SGCD: variants seen among roughly 807,000 people sequenced by gnomAD.
The protein encoded by SGCD is sarcoglycan delta, also known as delta-sarcoglycan.
In SGCD, 18 loss-of-function variants were observed where a neutral mutation model predicts 36.6. The observed-to-expected ratio is 0.49, with a 90% CI of 0.34 to 0.73. The LOEUF (loss-of-function observed/expected upper bound fraction) is 0.73, where lower values mean the gene tolerates loss of function less well. Ranked by LOEUF, SGCD falls within the 30% of genes least tolerant of loss-of-function variation. SGCD has a pLI of 0.01. For synonymous variants in SGCD, 133 were observed against 130.6 expected, an observed-to-expected ratio of 1.02 and a Z score of -0.12; for missense variants, 387 against 346.7, an observed-to-expected ratio of 1.12 and a Z score of -0.92.
chr5:156,463,965 C>G (rs1581031181), intron 3 of SGCD, among the ~76,000 whole-genome samples: 1 of 152,082 alleles, frequency 6.6e-6, no homozygotes, highest in South Asian at 2.1e-4. Flanking sequence ...TAAAACAAAA[C>G]AGAACAAAAC....
rs78905105 is a variant in SGCD at position 156,515,721 on chromosome 5, G to C, written c.294+7019G>C. Reference sequence around the variant, plus strand: ...AAGAACAGAGCTGTGCAGACTCTCAGCAGCTGCTCGAGTCGTGGCCAGCAG... The same window carrying C: ...AAGAACAGAGCTGTGCAGACTCTCACCAGCTGCTCGAGTCGTGGCCAGCAG... On this transcript the variant is annotated intron_variant, in intron 4 of 8. Transcript: ENST00000337851. Among the ~76,000 whole-genome samples the C allele has an allele frequency of 0.012, 1,895 of 152,350 alleles. 94 individuals carry two copies. In the East Asian group the frequency reaches 0.17, roughly 14 times the overall value.
intron 1 of SGCD, among the ~76,000 whole-genome samples, chr5:155,919,895 T>G (rs1484840020): frequency 6.6e-6 from 1 of 152,126 alleles, no homozygotes; most frequent in Non-Finnish European, 1.5e-5. Flanking sequence ...TGAAGGAAAT[T>G]TCCACTTTGC....
At chr5:156,372,179 A>G (rs1433322284) in intron 3 of SGCD, among the ~76,000 whole-genome samples, 1 of 152,258 alleles carries the variant, frequency 6.6e-6, no homozygotes, top group African/African-American at 2.4e-5. Context: ...GTGTGAAATT[A>G]TAATGGAAAA....
intron 3 of SGCD, among the ~76,000 whole-genome samples, chr5:156,172,868 A>T (rs1340346816): frequency 6.6e-6 from 1 of 151,628 alleles, no homozygotes; most frequent in Non-Finnish European, 1.5e-5. Context: ...TTTTAACTTG[A>T]TACATATTAT....
chr5:156,715,424 G>A (rs1755174625), intron 7 of SGCD, among the ~76,000 whole-genome samples: 1 of 152,018 alleles, frequency 6.6e-6, no homozygotes, highest in Non-Finnish European at 1.5e-5. Context: ...GCACAATTAG[G>A]GCTTGCAAAT....
intron 4 of SGCD, 31 bp downstream of exon 4, chr5:156,508,733 T>C (rs1756812485): frequency 7.8e-7 from 1 of 1,279,810 alleles, no homozygotes; most frequent in African/African-American, 1.5e-5. Flanking sequence ...GGAGGCATTA[T>C]TGTTGCTCTA....
intron 1 of SGCD, among the ~76,000 whole-genome samples, chr5:156,033,310 T>A (rs1759400471): frequency 6.6e-6 from 1 of 152,044 alleles, no homozygotes. Flanking sequence ...AATAGTAAGG[T>A]TTGTGCTTCT....
At chr5:156,643,120 C>G (rs867819741) in intron 6 of SGCD, among the ~76,000 whole-genome samples, 13 of 150,214 alleles carry the variant, frequency 8.7e-5, no homozygotes, top group African/African-American at 2.4e-4. Flanking sequence ...GCAACCTCCA[C>G]CTCCCGAGTT....
At chr5:156,450,352 A>C (rs1189674297) in intron 3 of SGCD, among the ~76,000 whole-genome samples, 1 of 152,108 alleles carries the variant, frequency 6.6e-6, no homozygotes, top group Non-Finnish European at 1.5e-5. Flanking sequence ...CCCAGCTCAC[A>C]TAGGTCCTAT....
At chr5:156,201,983 C>A (rs1764161981) in intron 3 of SGCD, among the ~76,000 whole-genome samples, 1 of 152,132 alleles carries the variant, frequency 6.6e-6, no homozygotes, top group African/African-American at 2.4e-5. Flanking sequence ...TCCAAAACAG[C>A]TTTCTGGTCT....
intron 1 of SGCD, among the ~76,000 whole-genome samples, chr5:156,115,881 T>C (rs76412476): frequency 0.03 from 4,538 of 152,200 alleles, 227 homozygotes; most frequent in African/African-American, 0.1. Flanking sequence ...GATTTAAGGA[T>C]AACAACTTGA....
the SGCD span, among the ~76,000 whole-genome samples, chr5:155,800,824 T>A: frequency 1.3e-5 from 2 of 152,212 alleles, no homozygotes; most frequent in East Asian, 3.8e-4. Flanking sequence ...GTCCTGTTAG[T>A]CTGTGTTTTC....
the SGCD span, among the ~76,000 whole-genome samples, chr5:155,776,896 G>C: frequency 6.6e-6 from 1 of 152,036 alleles, no homozygotes; most frequent in African/African-American, 2.4e-5. Context: ...TAAAAGCCAA[G>C]AGCTTATGGG....
At chr5:156,263,545 G>T (rs558791409) in intron 3 of SGCD, among the ~76,000 whole-genome samples, 2 of 152,246 alleles carry the variant, frequency 1.3e-5, no homozygotes, top group African/African-American at 4.8e-5. Flanking sequence ...TCTGTGGGTT[G>T]TCTCTTTATT....
intron 3 of SGCD, among the ~76,000 whole-genome samples, chr5:156,281,924 G>A (rs1294180068): frequency 6.6e-6 from 1 of 152,028 alleles, no homozygotes; most frequent in African/African-American, 2.4e-5. Flanking sequence ...AGTGATTTCA[G>A]TGGATAAAAC....
Position 156,459,448 on chromosome 5 carries a change from C to T in SGCD, c.193-49153C>T, listed in dbSNP as rs541685192. Among the ~76,000 whole-genome samples, 16 of 152,250 alleles carry T rather than the reference C, an allele frequency of 1.1e-4. No homozygotes were observed. In the South Asian group the frequency reaches 2.3e-3, roughly 22 times the overall value. ...CTTAATTTAAGAAAATGAGAGTCAA[C>T]GGTTTGGCAACTATTTCCCATTTTG... is the stretch of plus-strand genomic sequence containing the variant. On this transcript the variant is annotated intron_variant, in intron 3 of 8. Coordinates refer to ENST00000337851, the MANE Select transcript of SGCD (RefSeq NM_000337.6).
At chr5:156,378,585 C>G (rs145591062) in intron 3 of SGCD, among the ~76,000 whole-genome samples, 2 of 152,218 alleles carry the variant, frequency 1.3e-5, no homozygotes, top group Non-Finnish European at 2.9e-5. Flanking sequence ...AATCTCATGA[C>G]CATCAATAAG....
In SGCD at chr5:156,067,929, C is replaced by T. The variant is rs1170530132; in HGVS notation, c.-281-49949C>T. Among the ~76,000 whole-genome samples the T allele has an allele frequency of 2.0e-4, 26 of 128,560 alleles. 1 individual carries two copies. Among genetic ancestry groups the T allele is most frequent in the African/African-American group, 3.8e-4 (8 of 21,244 alleles). The allele number at this position is 128,560 out of a possible 152,430, so 84.3% of individuals were successfully genotyped here. A position where few individuals can be genotyped will look rare whatever the true frequency, so the allele number is the denominator to read the frequency against. On this transcript the variant is annotated intron_variant, in intron 1 of 9. Coordinates refer to the SGCD transcript ENST00000517913. ...GTCGCTCACGCTGGGAGCTGTAGACCGGAGCTGTTCCTATTCGGCCATCTT... is the reference window on the plus strand; with the variant it reads ...GTCGCTCACGCTGGGAGCTGTAGACTGGAGCTGTTCCTATTCGGCCATCTT...
At chr5:156,180,108 A>T (rs1273220401) in intron 3 of SGCD, among the ~76,000 whole-genome samples, 1 of 152,244 alleles carries the variant, frequency 6.6e-6, no homozygotes, top group African/African-American at 2.4e-5. Context: ...AAACTTAAAG[A>T]TAATGTGCTT....
Sources: gnomAD v4.1 joint callset for allele counts (sites outside exome capture counted in the v4.1 genomes callset) on GRCh38, gnomAD v4.1.1 for gene constraint, MANE v1.5 for transcripts, NCBI Gene and HGNC (gene_info 2026-07-23, HGNC 2026-07-21) for gene names.